Variants in LRRC39 observed in about 807,000 individuals in gnomAD.
LRRC39 encodes the protein leucine-rich repeat-containing protein 39.
In LRRC39, 35 loss-of-function variants were observed where a neutral mutation model predicts 39.7. That is an observed-to-expected ratio of 0.88 (90% CI 0.67 to 1.17). LRRC39 has a LOEUF of 1.17. LRRC39 is among the 50% of genes most tolerant of loss of function. The pLI, the probability that LRRC39 is intolerant of heterozygous loss-of-function variation, is 0.00. For missense variants in LRRC39, 357 were observed against 385.8 expected (o/e 0.93, Z 0.62); for synonymous variants, 113 against 134.1 (o/e 0.84, Z 1.09).
chr1:100,160,605 C>T (rs1470261398), intron 3 of LRRC39, 34 bp from the exon 4 acceptor site: 12 of 1,469,592 alleles, frequency 8.2e-6, no homozygotes, highest in Non-Finnish European at 1.1e-5. Context: ...AGTTCATAGA[C>T]AATTACATAA....
At chr1:100,164,685 GTTTA>G (rs1420206549) in intron 3 of LRRC39, among the ~76,000 whole-genome samples, 2 of 151,762 alleles carry the variant, frequency 1.3e-5, no homozygotes, top group African/African-American at 2.4e-5. Flanking sequence ...AGTTATGATT[GTTTA>G]TTTATTAATT....
chr1:100,159,523 A>T, intron 4 of LRRC39, 108 bp from the exon 5 acceptor site: 1 of 903,792 alleles, frequency 1.1e-6, no homozygotes, highest in Non-Finnish European at 1.5e-6. Flanking sequence ...AATATTTGGA[A>T]TTTGTTTTCC....
At chr1:100,166,056 T>C (rs1659224084) in intron 3 of LRRC39, among the ~76,000 whole-genome samples, 2 of 151,902 alleles carry the variant, frequency 1.3e-5, no homozygotes, top group Non-Finnish European at 2.9e-5. Flanking sequence ...TCCCCTTTCA[T>C]TTGGTTCTCA....
At chr1:100,151,150 A>AG (rs1657976278) in intron 9 of LRRC39, among the ~76,000 whole-genome samples, 1 of 150,252 alleles carries the variant, frequency 6.7e-6, no homozygotes, top group African/African-American at 2.4e-5. Flanking sequence ...AAAAAAAAAA[A>AG]GACTGCCAAA....
chr1:100,166,614 T>C (rs1659266939), intron 3 of LRRC39, among the ~76,000 whole-genome samples: 1 of 152,204 alleles, frequency 6.6e-6, no homozygotes, highest in African/African-American at 2.4e-5. Flanking sequence ...AAGACATTTC[T>C]AAGCAGCGAA....
chr1:100,159,487 A>G (rs1400408684), intron 4 of LRRC39, 72 bp from the exon 5 acceptor site: 2 of 1,224,876 alleles, frequency 1.6e-6, no homozygotes, highest in Non-Finnish European at 2.2e-6. Context: ...CTGAAATGTG[A>G]TATTTGACTT....
chr1:100,156,105 T>C, intron 7 of LRRC39, 67 bp downstream of exon 7: 2 of 1,475,076 alleles, frequency 1.4e-6, no homozygotes, highest in South Asian at 2.5e-5. Flanking sequence ...CCATTTGTCT[T>C]GCTTGGTTAT....
chr1:100,171,420 C>T (rs6703167), intron 2 of LRRC39, among the ~76,000 whole-genome samples: 4,086 of 150,600 alleles, frequency 0.027, 75 homozygotes, highest in Non-Finnish European at 0.045. Flanking sequence ...TATAAACTTG[C>T]TAGAAATCAA....
chr1:100,178,804 T>C (rs1660113292), upstream of LRRC39, among the ~76,000 whole-genome samples: 1 of 152,142 alleles, frequency 6.6e-6, no homozygotes, highest in Non-Finnish European at 1.5e-5. Flanking sequence ...ATTCAAAAGC[T>C]CAATCTCCAC....
At chr1:100,162,031 T>G (rs1482789470) in intron 3 of LRRC39, among the ~76,000 whole-genome samples, 1 of 152,224 alleles carries the variant, frequency 6.6e-6, no homozygotes, top group Non-Finnish European at 1.5e-5. Flanking sequence ...ATCAAGGTTC[T>G]GATTTATTCA....
chr1:100,168,711 T>C (rs1022711681), intron 2 of LRRC39, 117 bp from the exon 3 acceptor site: 3 of 483,550 alleles, frequency 6.2e-6, no homozygotes, highest in Admixed American at 4.0e-5. Context: ...TTTATATACT[T>C]TACATGCCAT....
rs1026540106 is a variant in LRRC39, at chr1:100,148,682, C to T, written c.*360G>A. 2 of 1,613,158 alleles carry T rather than the reference C, an allele frequency of 1.2e-6. No individual in the cohort carries two copies. The highest frequency in any genetic ancestry group is 2.7e-5 in the African/African-American group (2 of 74,880). The stretch of plus-strand genomic sequence containing the variant: ...GGCATCTTTGTAAATTGCTGATTGA[C>T]CAAGGTCGAATCCAGTATTTGCAGC... On this transcript the variant is annotated 3_prime_UTR_variant, in exon 10 of 10. Coordinates refer to ENST00000370137, the MANE Select transcript of LRRC39 (RefSeq NM_144620.4).
In LRRC39 at chr1:100,168,550, T is replaced by A. The variant is rs752505296; in HGVS notation, c.-34A>T. 23 of 1,522,394 alleles carry A rather than the reference T, an allele frequency of 1.5e-5. No homozygotes were observed. The highest frequency in any genetic ancestry group is 1.9e-5 in the Non-Finnish European group (21 of 1,105,786). 94.3% of individuals were successfully genotyped at this position (1,522,394 alleles called of 1,614,324 possible). A position where few individuals can be genotyped will look rare whatever the true frequency, so the allele number is the denominator to read the frequency against. Reference sequence around the variant, plus strand: ...CACATTGTCATAGTCACCAACTTCATTAGGTTTTGAATAGCTGAATCATAG... The same window carrying A: ...CACATTGTCATAGTCACCAACTTCAATAGGTTTTGAATAGCTGAATCATAG... On this transcript the variant is annotated 5_prime_UTR_variant, in exon 3 of 10. The change abolishes an upstream ATG in the 5' untranslated region. Coordinates refer to ENST00000370137, the MANE Select transcript of LRRC39 (RefSeq NM_144620.4).
Position 100,148,586 on chromosome 1 carries a change from A to G in LRRC39, c.*456T>C, listed in dbSNP as rs748462041. ...AAATAATTTTTTATAAACTTTTGCA[A>G]AATTTTAACAATGTTTTGTGTGTGT... On this transcript the variant is annotated 3_prime_UTR_variant, in exon 10 of 10. Coordinates refer to ENST00000370137, the MANE Select transcript of LRRC39 (RefSeq NM_144620.4). The G allele has an allele frequency of 1.9e-6, 3 of 1,567,124 alleles. No homozygotes were observed. The South Asian group carries it at 3.6e-5, about 19-fold the overall frequency.
intron 3 of LRRC39, 46 bp from the exon 4 acceptor site, chr1:100,160,617 T>G: frequency 2.1e-6 from 3 of 1,441,178 alleles, no homozygotes; most frequent in South Asian, 1.3e-5. Context: ...ATTACATAAG[T>G]GGCATTCACT....
chr1:100,158,244 T>G lies in LRRC39; in HGVS notation c.500A>C (p.Asp167Ala), dbSNP rs777764299. The part of the protein sequence containing the change: ...LELAVNRDIC[D>A]LPQELSNLLK... ...TGTCTTTCTAACCTCTTGTGGAAGA[T>G]CACATATATCTCTGTTAACAGCCAG... Residue 167 changes from aspartate (D) to alanine (A), a missense_variant, in exon 6 of 10, where the codon GAT becomes GCT. By Grantham distance (126) the Asp-to-Ala change is moderately radical. Coordinates refer to ENST00000370137, the MANE Select transcript of LRRC39 (RefSeq NM_144620.4). 6.2e-7 allele frequency: 1 copy of G among 1,613,580 alleles called. No individual in the cohort carries two copies. Among genetic ancestry groups the G allele is most frequent in the African/African-American group, 1.3e-5 (1 of 74,894 alleles).
At position 100,149,238 on chromosome 1, in the gene LRRC39, A is replaced by G. The variant is rs955870191; in HGVS notation, c.953-141T>C. On this transcript the variant is annotated intron_variant, in intron 9 of 9. Coordinates refer to ENST00000370137, the MANE Select transcript of LRRC39 (RefSeq NM_144620.4). ...TAGTGATTGATTGTAACAAGGGCCAATCTGAGAATTTGACTTATATGTGGA... is the reference window on the plus strand; with the variant it reads ...TAGTGATTGATTGTAACAAGGGCCAGTCTGAGAATTTGACTTATATGTGGA... The G allele has an allele frequency of 1.7e-5, 25 of 1,499,522 alleles. No individual in the cohort carries two copies. In the Admixed American group the frequency reaches 4.1e-4, roughly 25 times the overall value. The allele number at this position is 1,499,522 out of a possible 1,614,324, so 92.9% of individuals were successfully genotyped here. A position where few individuals can be genotyped will look rare whatever the true frequency, so the allele number is the denominator to read the frequency against.
chr1:100,151,581 T>A (rs1658038491), intron 9 of LRRC39, among the ~76,000 whole-genome samples: 1 of 152,214 alleles, frequency 6.6e-6, no homozygotes, highest in Non-Finnish European at 1.5e-5. Flanking sequence ...AAAATCTACC[T>A]TTTAAGTTAA....
In LRRC39 at chr1:100,171,658, A is replaced by G. The variant is rs560429179; in HGVS notation, c.-79+1673T>C. 7.8e-4 allele frequency among the ~76,000 whole-genome samples: 116 copies of G among 149,008 alleles called. 1 individual carries two copies. The highest frequency in any genetic ancestry group is 2.8e-3 in the African/African-American group (113 of 40,466). On this transcript the variant is annotated intron_variant, in intron 2 of 9. Coordinates refer to ENST00000370137, the MANE Select transcript of LRRC39 (RefSeq NM_144620.4). ...GCTGGGACTACAGATGTGTACAACC[A>G]TGCCTGGCTTGTTTTTTTTTTTTTT...
Sources: gnomAD v4.1 joint callset for allele counts (sites outside exome capture counted in the v4.1 genomes callset) on GRCh38, gnomAD v4.1.1 for gene constraint, MANE v1.5 for transcripts, NCBI Gene and HGNC (gene_info 2026-07-23, HGNC 2026-07-21) for gene names.